The following ABCA12 variants were observed in gnomAD, a reference collection of about 807,000 sequenced individuals.
The protein encoded by ABCA12 is glucosylceramide transporter ABCA12.
Under a neutral mutation model 293.5 loss-of-function variants are expected in ABCA12, and 156 were observed. The observed-to-expected ratio is 0.53, with a 90% confidence interval of 0.47 to 0.61. The LOEUF (loss-of-function observed/expected upper bound fraction) is 0.61. ABCA12 is among the 20% of genes least tolerant of loss of function. The pLI is 0.00. For synonymous variants in ABCA12, 1,063 were observed against 1,108.0 expected (o/e 0.96, Z 0.81); for missense variants, 2,797 against 3,090.2 (o/e 0.91, Z 2.25).
At chr2:215,031,777 T>C in intron 9 of ABCA12, 44 bp downstream of exon 9, 1 of 1,612,150 alleles carries the variant, frequency 6.2e-7, no homozygotes, top group Non-Finnish European at 8.5e-7. Context: ...TGATTGTTTA[T>C]TCAGCCAAGT....
At chr2:215,070,514 C>A (rs1340045632) in intron 2 of ABCA12, among the ~76,000 whole-genome samples, 1 of 148,960 alleles carries the variant, frequency 6.7e-6, no homozygotes, top group Non-Finnish European at 1.5e-5. Flanking sequence ...AGGTATATCT[C>A]CTAATGCTAT....
At chr2:214,947,732 G>A (rs921128553) in intron 47 of ABCA12, 176 bp from the exon 48 acceptor site, 2 of 740,256 alleles carry the variant, frequency 2.7e-6, no homozygotes, top group Non-Finnish European at 4.3e-6. Flanking sequence ...ATCACTTAAG[G>A]ATTAATAGTT....
intron 45 of ABCA12, among the ~76,000 whole-genome samples, chr2:214,949,539 C>A (rs1698688614): frequency 6.6e-6 from 1 of 152,168 alleles, no homozygotes; most frequent in Non-Finnish European, 1.5e-5. Context: ...CACAACTTCA[C>A]TGAATAAACT....
Position 214,954,425 on chromosome 2 carries a change from C to T in ABCA12, c.6394-318G>A, listed in dbSNP as rs556501136. Among the ~76,000 whole-genome samples the T allele has an allele frequency of 4.6e-5, 7 of 152,194 alleles. No individual in the cohort carries two copies. The South Asian group carries it at 8.3e-4, about 18-fold the overall frequency. ...AGCCAGTGTGTTGGGGTCTGTTACA[C>T]GGTATCATTATGTGCCTGAGGGAGG... is the stretch of plus-strand genomic sequence containing the variant. On this transcript the variant is annotated intron_variant, in intron 43 of 52. Transcript: ENST00000272895.
intron 7 of ABCA12, among the ~76,000 whole-genome samples, chr2:215,043,201 C>T (rs963358238): frequency 3.9e-5 from 6 of 152,024 alleles, no homozygotes; most frequent in African/African-American, 1.4e-4. Flanking sequence ...CACGTGTTGG[C>T]CATTTATATG....
intron 7 of ABCA12, among the ~76,000 whole-genome samples, chr2:215,040,638 G>A (rs570263873): frequency 4.6e-5 from 7 of 152,024 alleles, no homozygotes; most frequent in Admixed American, 2.6e-4. Flanking sequence ...GTGAAACCCC[G>A]TCTCTACCAA....
intron 2 of ABCA12, among the ~76,000 whole-genome samples, chr2:215,105,528 G>A (rs1293758548): frequency 6.6e-6 from 1 of 151,228 alleles, no homozygotes; most frequent in Non-Finnish European, 1.5e-5. Flanking sequence ...AGTATTCTAG[G>A]GAGATTATCT....
At chr2:215,050,776 C>T (rs1701304628) in intron 5 of ABCA12, 3 of 984,954 alleles carry the variant, frequency 3.0e-6, no homozygotes, top group African/African-American at 3.5e-5. Flanking sequence ...TCTCTTCTAA[C>T]ATTCCACATA....
intron 36 of ABCA12, 93 bp downstream of exon 36, chr2:214,973,856 T>C (rs1408926979): frequency 2.4e-5 from 26 of 1,098,918 alleles, no homozygotes; most frequent in Admixed American, 1.8e-5. Flanking sequence ...AATGAACTTA[T>C]ACTGATTCTT....
Position 215,045,617 on chromosome 2 carries a change from T to A in ABCA12, c.872+220A>T, listed in dbSNP as rs140631761. Among the ~76,000 whole-genome samples, 234 of 152,304 alleles carry A rather than the reference T, an allele frequency of 1.5e-3. 1 individual carries two copies. Among genetic ancestry groups the A allele is most frequent in the African/African-American group, 5.5e-3 (228 of 41,576 alleles). The stretch of plus-strand genomic sequence containing the variant: ...GTAACAATACAACAGTTAGGATCAG[T>A]TCCTCGTGGATGCTTCCATAACCTT... On this transcript the variant is annotated intron_variant, in intron 7 of 52. Transcript: ENST00000272895.
intron 39 of ABCA12, chr2:214,962,249 T>G (rs1699134246): frequency 1.3e-5 from 2 of 152,174 alleles, no homozygotes; most frequent in Admixed American, 6.5e-5. Flanking sequence ...CTTGTGAAAC[T>G]CAACTGAAGT....
chr2:215,135,970 C>A (rs1209462358), intron 1 of ABCA12, among the ~76,000 whole-genome samples: 1 of 152,100 alleles, frequency 6.6e-6, no homozygotes, highest in East Asian at 1.9e-4. Context: ...CTTCCTTTTC[C>A]TTTTGCATCA....
intron 15 of ABCA12, among the ~76,000 whole-genome samples, chr2:215,014,543 T>C (rs1202202910): frequency 6.6e-6 from 1 of 152,116 alleles, no homozygotes; most frequent in Non-Finnish European, 1.5e-5. Flanking sequence ...GGAGATCCAC[T>C]GGAAAGTTTT....
At chr2:215,087,772 G>C (rs542135266) in intron 2 of ABCA12, among the ~76,000 whole-genome samples, 1 of 152,228 alleles carries the variant, frequency 6.6e-6, no homozygotes, top group South Asian at 2.1e-4. Flanking sequence ...TGACAGGGAA[G>C]GGAGAGAATA....
intron 2 of ABCA12, among the ~76,000 whole-genome samples, chr2:215,103,270 T>TC (rs1161517473): frequency 2.5e-4 from 35 of 141,784 alleles, no homozygotes; most frequent in South Asian, 4.4e-4. Context: ...TTTCTTTCTT[T>TC]TTTTTTTTTT....
At chr2:215,025,442 T>C in intron 11 of ABCA12, 2 of 465,104 alleles carry the variant, frequency 4.3e-6, no homozygotes, top group Admixed American at 7.8e-5. Context: ...ATTACAGGCA[T>C]GAGCCACGGC....
intron 49 of ABCA12, among the ~76,000 whole-genome samples, chr2:214,943,335 G>C (rs1001485707): frequency 6.6e-6 from 1 of 151,756 alleles, no homozygotes; most frequent in Non-Finnish European, 1.5e-5. Flanking sequence ...GTAGAGATGG[G>C]GGTCTTGCCA....
intron 2 of ABCA12, among the ~76,000 whole-genome samples, chr2:215,101,778 G>C (rs569502718): frequency 6.6e-6 from 1 of 152,258 alleles, no homozygotes; most frequent in African/African-American, 2.4e-5. Context: ...TTGAAGGAGG[G>C]GGTGTTTAAA....
Position 215,097,776 on chromosome 2 carries a change from C to G in ABCA12, c.163+13821G>C, listed in dbSNP as rs1702277320. Among the ~76,000 whole-genome samples the G allele has an allele frequency of 2.6e-5, 4 of 152,254 alleles. No individual in the cohort carries two copies. In the South Asian group the frequency reaches 8.3e-4, roughly 32 times the overall value. Reference sequence around the variant, plus strand: ...CTAATATTAACAAATTCCATAAAAGCCCTAACGTTAAACCTGCCTATGAAA... The same window carrying G: ...CTAATATTAACAAATTCCATAAAAGGCCTAACGTTAAACCTGCCTATGAAA... On this transcript the variant is annotated intron_variant, in intron 2 of 52. Coordinates refer to ENST00000272895, the MANE Select transcript of ABCA12 (RefSeq NM_173076.3).
Sources: gnomAD v4.1 joint callset for allele counts (sites outside exome capture counted in the v4.1 genomes callset) on GRCh38, gnomAD v4.1.1 for gene constraint, MANE v1.5 for transcripts, NCBI Gene and HGNC (gene_info 2026-07-23, HGNC 2026-07-21) for gene names.